Variants in PFKFB4 observed in about 807,000 individuals in gnomAD.
PFKFB4 encodes 6-phosphofructo-2-kinase/fructose-2,6-biphosphatase 4.
A neutral mutation model predicts 62.8 loss-of-function variants in PFKFB4; 42 were observed. That is an observed-to-expected ratio of 0.67 (90% CI 0.52 to 0.86). The LOEUF (loss-of-function observed/expected upper bound fraction) is 0.86. PFKFB4 is among the 40% of genes least tolerant of loss of function. The pLI, the probability that PFKFB4 is intolerant of heterozygous loss-of-function variation, is 0.00. For synonymous variants in PFKFB4, 204 were observed against 240.7 expected (o/e 0.85, Z 1.41); for missense variants, 475 against 627.2 (o/e 0.76, Z 2.59).
rs1227920522 is a variant in PFKFB4 at position 48,521,680 on chromosome 3, T to A, written c.1350+306A>T. Among the ~76,000 whole-genome samples the A allele has an allele frequency of 6.6e-6, 1 of 152,138 alleles. No individual in the cohort carries two copies. The highest frequency in any genetic ancestry group is 6.5e-5 in the Admixed American group (1 of 15,272). ...GCCCCCTTGACTTAGACCTCCAAGT[T>A]GCTGCTTGGGAGCCCTGTGGCTCCT... On this transcript the variant is annotated intron_variant, in intron 13 of 13. Transcript: ENST00000232375. This position sits in a 1 kb window ranked among gnomAD's most constrained non-coding sequence, Gnocchi z 5.3.
At chr3:48,554,943 G>T (rs544393970) in intron 1 of PFKFB4, among the ~76,000 whole-genome samples, 1 of 151,464 alleles carries the variant, frequency 6.6e-6, no homozygotes, top group African/African-American at 2.4e-5. Flanking sequence ...CCAGCAACTT[G>T]GAAGGCTGAG....
chr3:48,556,818 A>C, upstream of PFKFB4: 7 of 1,569,086 alleles, frequency 4.5e-6, no homozygotes, highest in Non-Finnish European at 6.0e-6. The surrounding 1 kb of genome is among the most constrained non-coding windows in gnomAD (Gnocchi z 5.7). Context: ...CTTCCAACCC[A>C]GCAGCCGGGC....
intron 9 of PFKFB4, among the ~76,000 whole-genome samples, chr3:48,526,998 A>C (rs2107476782): frequency 6.6e-6 from 1 of 152,088 alleles, no homozygotes; most frequent in African/African-American, 2.4e-5. Flanking sequence ...CATAGGGAAG[A>C]AAGCCATGTG....
chr3:48,547,515 C>T (rs2043002292), intron 3 of PFKFB4, among the ~76,000 whole-genome samples: 2 of 152,258 alleles, frequency 1.3e-5, no homozygotes, highest in Admixed American at 1.3e-4. Context: ...TACTCTGTCA[C>T]CCAGGCTGGA....
rs1002363521 is a variant in PFKFB4, at chr3:48,536,325, G to A, written c.771C>T (p.His257=). 1.4e-5 allele frequency: 23 copies of A among 1,614,088 alleles called. No homozygotes were observed. The highest frequency in any genetic ancestry group is 2.7e-5 in the African/African-American group (2 of 74,932). Residue 257 remains histidine, a synonymous_variant, in exon 8 of 14, where the codon CAC becomes CAT. Transcript: ENST00000232375. ...VTPRSIYLCR[H]GESELNLKGR... ...CCTTGAGGTTGAGCTCGCTCTCCCC[G>A]TGCCGGCAGAGGTAGATGGAGCGGG...
intron 7 of PFKFB4, 97 bp from the exon 8 acceptor site, chr3:48,536,560 A>C: frequency 1.1e-6 from 1 of 877,182 alleles, no homozygotes; most frequent in African/African-American, 1.6e-5. Flanking sequence ...GAGGCCTTGC[A>C]CTTCCAACCA....
upstream of PFKFB4, chr3:48,559,580 TGCCCGGTAGAATCTCTG>T (rs1218781945): frequency 2.2e-6 from 1 of 456,938 alleles, no homozygotes; most frequent in African/African-American, 2.0e-5. Context: ...CATCAGCGGA[TGCCCGGTAGAATCTCTG>T]GCCCTCATGG....
At chr3:48,525,253 C>T (rs2042221133) in intron 10 of PFKFB4, among the ~76,000 whole-genome samples, 1 of 152,176 alleles carries the variant, frequency 6.6e-6, no homozygotes, top group Non-Finnish European at 1.5e-5. Context: ...CCACCTCAGG[C>T]CCTGCCCTTC....
intron 12 of PFKFB4, 121 bp downstream of exon 12, chr3:48,523,416 G>GGTA: frequency 1.1e-6 from 1 of 916,430 alleles, no homozygotes; most frequent in Non-Finnish European, 1.7e-6. Context: ...AAGGTGGTGG[G>GGTA]GTAGTAGGTG....
chr3:48,536,466 G>C lies in PFKFB4; in HGVS notation c.633-3C>G. On this transcript the variant is annotated splice_polypyrimidine_tract_variant and splice_region_variant and intron_variant, in intron 7 of 13. Transcript: ENST00000232375. ...TGATCTTGATATAGGACAGGTCCCT[G>C]TCCAGAGAGAAAGTAGAAAGAGGCC... The C allele has an allele frequency of 6.3e-7, 1 of 1,599,444 alleles. No individual in the cohort carries two copies. Among genetic ancestry groups the C allele is most frequent in the Non-Finnish European group, 8.6e-7 (1 of 1,167,490 alleles).
chr3:48,530,230 G>A (rs998348299), intron 9 of PFKFB4, among the ~76,000 whole-genome samples: 3 of 152,036 alleles, frequency 2.0e-5, no homozygotes, highest in Non-Finnish European at 4.4e-5. Context: ...TCCAGCCTGG[G>A]AAACAGAGTG....
At position 48,523,799 on chromosome 3, in the gene PFKFB4, G is replaced by A. The variant is rs758664892; in HGVS notation, c.1124C>T (p.Pro375Leu). Residue 375 changes from proline (P) to leucine (L), a missense_variant, in exon 11 of 14, where the codon CCT (proline) becomes CTT (leucine). Pro to Leu is a moderately conservative substitution (Grantham distance 98). Coordinates refer to ENST00000232375, the MANE Select transcript of PFKFB4 (RefSeq NM_004567.4). ...SYEDLVQRLE[P>L]VIMELERQEN... ...TTGCCTCTCCAGCTCCATGATGACA[G>A]GCTCCAGTCTCTGGACCAGGTCCTC... The A allele has an allele frequency of 2.5e-5, 40 of 1,614,058 alleles. No homozygotes were observed. Among genetic ancestry groups the A allele is most frequent in the Non-Finnish European group, 3.4e-5 (40 of 1,180,020 alleles).
At chr3:48,528,751 A>G (rs1258276105) in intron 9 of PFKFB4, among the ~76,000 whole-genome samples, 1 of 152,252 alleles carries the variant, frequency 6.6e-6, no homozygotes, top group Admixed American at 6.5e-5. Context: ...TCAAATGCCC[A>G]TCAACTGATG....
chr3:48,532,761 C>T (rs943316046), intron 9 of PFKFB4, among the ~76,000 whole-genome samples: 1 of 152,124 alleles, frequency 6.6e-6, no homozygotes, highest in Non-Finnish European at 1.5e-5. Flanking sequence ...GCAAGAGAAT[C>T]GTTGAGTCTA....
At chr3:48,536,741 A>G in intron 7 of PFKFB4, 1 of 445,234 alleles carries the variant, frequency 2.2e-6, no homozygotes, top group South Asian at 3.3e-5. Context: ...GGGGTCCGCC[A>G]TACCACATCA....
In PFKFB4 at chr3:48,519,766, G is replaced by A. The variant is rs200999055; in HGVS notation, c.1391C>T (p.Thr464Met). ...ISRPPEEALV[T>M]VPAHQ Reference sequence around the variant, plus strand: ...ACATGGTCACTGGTGAGCAGGCACCGTGACAAGGGCTTCCTCTGGAGGTCT... The same window carrying A: ...ACATGGTCACTGGTGAGCAGGCACCATGACAAGGGCTTCCTCTGGAGGTCT... Residue 464 changes from threonine (T) to methionine (M), a missense_variant, in exon 14 of 14, where the codon ACG becomes ATG. Transcript: ENST00000232375. 26 of 1,613,626 alleles carry A rather than the reference G, an allele frequency of 1.6e-5. No individual in the cohort carries two copies. The highest frequency in any genetic ancestry group is 5.3e-5 in the African/African-American group (4 of 75,046).
intron 6 of PFKFB4, 96 bp from the exon 7 acceptor site, chr3:48,538,715 T>C: frequency 6.5e-7 from 1 of 1,530,156 alleles, no homozygotes. Flanking sequence ...CTGGAGGAGG[T>C]TGCACCGGAG....
chr3:48,556,946 A>G, upstream of PFKFB4: 1 of 1,394,666 alleles, frequency 7.2e-7, no homozygotes, highest in Non-Finnish European at 9.3e-7. The surrounding 1 kb of genome is among the most constrained non-coding windows in gnomAD (Gnocchi z 5.7). Context: ...CCCCAGCTGA[A>G]AGGGGCCCGG....
chr3:48,545,623 TTTTC>T, intron 3 of PFKFB4, among the ~76,000 whole-genome samples: 1 of 151,854 alleles, frequency 6.6e-6, no homozygotes, highest in East Asian at 1.9e-4. Flanking sequence ...GTGACATTTC[TTTTC>T]TTTCTTTTGT....
Sources: gnomAD v4.1 joint callset for allele counts (sites outside exome capture counted in the v4.1 genomes callset) on GRCh38, gnomAD v4.1.1 for gene constraint, Gnocchi (gnomAD v3.1) non-coding constraint, MANE v1.5 for transcripts, NCBI Gene and HGNC (gene_info 2026-07-23, HGNC 2026-07-21) for gene names.